CUL2: variants seen among roughly 807,000 people sequenced by gnomAD.
The protein encoded by CUL2 is cullin-2.
In CUL2, 22 loss-of-function variants were observed where a neutral mutation model predicts 110.2. The ratio of observed to expected loss-of-function variants is 0.20; its 90% CI spans 0.14 to 0.28. The LOEUF is 0.28. Ranked by LOEUF, CUL2 falls within the 10% of genes least tolerant of loss-of-function variation. CUL2 has a pLI of 1.00. For synonymous variants in CUL2, 279 were observed against 293.2 expected, an observed-to-expected ratio of 0.95 and a Z score of 0.49; for missense variants, 631 against 905.5, an observed-to-expected ratio of 0.70 and a Z score of 3.89.
At chr10:35,113,684 A>C (rs1004830361) in intron 1 of CUL2, among the ~76,000 whole-genome samples, 1 of 151,368 alleles carries the variant, frequency 6.6e-6, no homozygotes, top group Admixed American at 6.6e-5. Context: ...AATAATAGAT[A>C]TGATGAATCT....
chr10:35,089,685 CACCAG>C (rs1457262900), intron 1 of CUL2, among the ~76,000 whole-genome samples: 8 of 152,292 alleles, frequency 5.3e-5, no homozygotes, highest in Middle Eastern at 3.4e-3. Flanking sequence ...GATCTTATTT[CACCAG>C]ACCCTAAGGG....
chr10:35,088,137 A>C (rs1056032231), intron 1 of CUL2, among the ~76,000 whole-genome samples: 6 of 152,132 alleles, frequency 3.9e-5, no homozygotes, highest in Non-Finnish European at 7.3e-5. Context: ...CCCACACAGC[A>C]CTTATTCTCT....
chr10:35,011,975 GAAGAA>G lies in CUL2; in HGVS notation c.1990-16_1990-12del. On this transcript the variant is annotated splice_polypyrimidine_tract_variant and intron_variant, in intron 19 of 20. Coordinates refer to ENST00000374749, the MANE Select transcript of CUL2 (RefSeq NM_003591.4). ...AGTCTGCTCCATTTCCTGTTTTACA[GAAGAA>G]AAGAAAAAAGACCCAACAAGACATT... The G allele has an allele frequency of 6.6e-7, 1 of 1,506,490 alleles. No homozygotes were observed. Among genetic ancestry groups the G allele is most frequent in the South Asian group, 1.2e-5 (1 of 83,152 alleles). 93.3% of individuals were successfully genotyped at this position (1,506,490 alleles called of 1,614,324 possible).
chr10:35,101,882 A>C (rs920461108), intron 1 of CUL2, among the ~76,000 whole-genome samples: 4 of 152,196 alleles, frequency 2.6e-5, no homozygotes, highest in African/African-American at 9.7e-5. Flanking sequence ...GAACTAACAG[A>C]GCATGAAAAA....
chr10:35,015,252 C>T (rs990067348), intron 18 of CUL2, among the ~76,000 whole-genome samples: 1 of 149,116 alleles, frequency 6.7e-6, no homozygotes, highest in African/African-American at 2.5e-5. Context: ...AAGATCACGC[C>T]ATTGCACTCC....
rs1458381821 is a variant in CUL2, at chr10:35,031,122, T to C, written c.1386+178A>G. Among the ~76,000 whole-genome samples the C allele has an allele frequency of 6.6e-6, 1 of 152,258 alleles. No individual in the cohort carries two copies. Among genetic ancestry groups the C allele is most frequent in the Non-Finnish European group, 1.5e-5 (1 of 68,042 alleles). On this transcript the variant is annotated intron_variant, in intron 14 of 20. Coordinates refer to ENST00000374749, the MANE Select transcript of CUL2 (RefSeq NM_003591.4). The surrounding 1 kb of genome is among the most constrained non-coding windows in gnomAD (Gnocchi z 4.4). Reference sequence around the variant, plus strand: ...TGATTATCTTGTGAATCTTCATATATAAACATATACATTTTGTCCTTTTAA... The same window carrying C: ...TGATTATCTTGTGAATCTTCATATACAAACATATACATTTTGTCCTTTTAA...
rs1026211142 is a variant in CUL2 at position 35,009,778 on chromosome 10, C to T, written c.*533G>A. 1.3e-5 allele frequency: 2 copies of T among 152,348 alleles called. No individual in the cohort carries two copies. The highest frequency in any genetic ancestry group is 6.6e-5 in the Admixed American group (1 of 15,242). 9.4% of individuals were successfully genotyped at this position (152,348 alleles called of 1,614,324 possible). A position where few individuals can be genotyped will look rare whatever the true frequency, so the allele number is the denominator to read the frequency against. ...GTGAATTAAACCATTCAGATAAAAA[C>T]GCAACTAAAGATGCATTAGCTGCTT... is the stretch of plus-strand genomic sequence containing the variant. On this transcript the variant is annotated 3_prime_UTR_variant, in exon 21 of 21. Coordinates refer to ENST00000374749, the MANE Select transcript of CUL2 (RefSeq NM_003591.4).
chr10:35,105,933 G>C (rs2087449861), intron 1 of CUL2, among the ~76,000 whole-genome samples: 1 of 151,880 alleles, frequency 6.6e-6, no homozygotes, highest in South Asian at 2.1e-4. Context: ...AGATAGCTAG[G>C]AAGGATGAGA....
chr10:35,076,597 T>A lies in CUL2; in HGVS notation c.-22-5258A>T, dbSNP rs540913404. Among the ~76,000 whole-genome samples the A allele has an allele frequency of 1.2e-3, 176 of 152,280 alleles. 1 individual carries two copies. Among genetic ancestry groups the A allele is most frequent in the African/African-American group, 4.0e-3 (165 of 41,548 alleles). ...TGTACGACCTCATTGCCACCTCCCATTGAATGAGGCAATAAATGTTATATG... is the reference window on the plus strand; with the variant it reads ...TGTACGACCTCATTGCCACCTCCCAATGAATGAGGCAATAAATGTTATATG... On this transcript the variant is annotated intron_variant, in intron 1 of 20. Coordinates refer to ENST00000374749, the MANE Select transcript of CUL2 (RefSeq NM_003591.4).
At chr10:35,057,868 T>G (rs1391850933) in intron 4 of CUL2, among the ~76,000 whole-genome samples, 1 of 151,542 alleles carries the variant, frequency 6.6e-6, no homozygotes, top group African/African-American at 2.4e-5. Flanking sequence ...CTGAGGCAGG[T>G]GGATCACTCG....
At chr10:35,090,142 G>A (rs1253235348) in intron 1 of CUL2, 37 bp downstream of exon 1, 2 of 152,534 alleles carry the variant, frequency 1.3e-5, no homozygotes, top group African/African-American at 2.4e-5. Flanking sequence ...GTTTCCCGGC[G>A]CCTGCAGCCC....
At chr10:35,082,815 T>C (rs1270282499) in intron 1 of CUL2, among the ~76,000 whole-genome samples, 1 of 152,178 alleles carries the variant, frequency 6.6e-6, no homozygotes, top group Non-Finnish European at 1.5e-5. Context: ...ATCTTTCTCT[T>C]GATGTCACAT....
At chr10:35,036,056 C>T (rs1021956741) in intron 9 of CUL2, among the ~76,000 whole-genome samples, 1 of 152,176 alleles carries the variant, frequency 6.6e-6, no homozygotes, top group Non-Finnish European at 1.5e-5. Flanking sequence ...TGTAATCACA[C>T]GCAGGATAAG....
At chr10:35,116,358 T>C (rs1332839008) in intron 1 of CUL2, among the ~76,000 whole-genome samples, 1 of 151,928 alleles carries the variant, frequency 6.6e-6, no homozygotes, top group Non-Finnish European at 1.5e-5. Context: ...AAAAAAATTA[T>C]GAACAATTTT....
intron 1 of CUL2, among the ~76,000 whole-genome samples, chr10:35,120,974 G>A (rs530515648): frequency 3.5e-4 from 54 of 152,274 alleles, no homozygotes; most frequent in African/African-American, 1.3e-3. Flanking sequence ...ATTCCCTTAT[G>A]TTTTATAGAG....
intron 14 of CUL2, among the ~76,000 whole-genome samples, chr10:35,030,451 T>C (rs1449516759): frequency 6.6e-6 from 1 of 152,186 alleles, no homozygotes; most frequent in African/African-American, 2.4e-5. Flanking sequence ...GGTATGATCA[T>C]GGCTCACAGC....
intron 5 of CUL2, among the ~76,000 whole-genome samples, chr10:35,052,677 C>T (rs545699927): frequency 2.3e-4 from 35 of 152,162 alleles, no homozygotes; most frequent in African/African-American, 7.7e-4. Flanking sequence ...AGGCGGATCA[C>T]AAGGTCAGGA....
chr10:35,041,874 A>G (rs1359815370), intron 8 of CUL2, among the ~76,000 whole-genome samples: 1 of 152,168 alleles, frequency 6.6e-6, no homozygotes, highest in African/African-American at 2.4e-5. Context: ...TTTTCCAAAC[A>G]TAATTTATTC....
rs145660510 is a variant in CUL2, at chr10:35,050,683, C to A, written c.424-918G>T. 2.0e-5 allele frequency among the ~76,000 whole-genome samples: 3 copies of A among 152,322 alleles called. No homozygotes were observed. The East Asian group carries it at 5.8e-4, about 29-fold the overall frequency. The stretch of plus-strand genomic sequence containing the variant: ...CTCAATCATTGGCACTGCTATACAG[C>A]ATCCTGTTGCATAAATATGCCATGA... On this transcript the variant is annotated intron_variant, in intron 5 of 20. Transcript: ENST00000374749.
Sources: gnomAD v4.1 joint callset for allele counts (sites outside exome capture counted in the v4.1 genomes callset) on GRCh38, gnomAD v4.1.1 for gene constraint, Gnocchi (gnomAD v3.1) non-coding constraint, MANE v1.5 for transcripts, NCBI Gene and HGNC (gene_info 2026-07-23, HGNC 2026-07-21) for gene names.